The following ACAP2 variants were observed in gnomAD, a reference collection of about 807,000 sequenced individuals.
ACAP2 encodes arf-GAP with coiled-coil, ANK repeat and PH domain-containing protein 2.
Under a neutral mutation model 115.8 loss-of-function variants are expected in ACAP2, and 39 were observed. The ratio of observed to expected loss-of-function variants is 0.34; its 90% CI spans 0.26 to 0.44. The LOEUF (loss-of-function observed/expected upper bound fraction) is 0.44, where lower values mean the gene tolerates loss of function less well. Among genes scored for constraint, ACAP2 ranks in the 20% least tolerant of loss-of-function variants. The probability of loss-of-function intolerance (pLI) is 1.00; values close to 1 mark genes in which losing one functional copy is unlikely to be tolerated. For synonymous variants in ACAP2, 289 were observed against 315.8 expected (o/e 0.92, Z 0.90); for missense variants, 662 against 927.6 (o/e 0.71, Z 3.72).
intron 1 of ACAP2, chr3:195,419,523 T>C (rs945282082): frequency 1.3e-5 from 2 of 152,200 alleles, no homozygotes; most frequent in African/African-American, 4.8e-5. Flanking sequence ...TCAACTGAGA[T>C]CACTGACTAC....
chr3:195,382,879 G>GA (rs112190227), intron 2 of ACAP2, among the ~76,000 whole-genome samples: 1,969 of 136,924 alleles, frequency 0.014, 28 homozygotes, highest in African/African-American at 0.044. Flanking sequence ...ACTATGCATG[G>GA]AAAAAAAAAA....
chr3:195,352,720 A>AGAT (rs1731692840), intron 4 of ACAP2, among the ~76,000 whole-genome samples: 1 of 152,230 alleles, frequency 6.6e-6, no homozygotes, highest in South Asian at 2.1e-4. Flanking sequence ...AGTGTGGGCT[A>AGAT]GATGGAGTGA....
intron 1 of ACAP2, among the ~76,000 whole-genome samples, chr3:195,430,438 G>A (rs1452656872): frequency 1.3e-5 from 2 of 152,158 alleles, no homozygotes; most frequent in Non-Finnish European, 2.9e-5. Flanking sequence ...GGGAGGCCAG[G>A]AGCAGTGGCT....
At chr3:195,361,639 CAAACCT>C (rs755047589) in intron 4 of ACAP2, among the ~76,000 whole-genome samples, 117 of 151,808 alleles carry the variant, frequency 7.7e-4, no homozygotes, top group Admixed American at 3.0e-3. Context: ...AAAAGGAAAC[CAAACCT>C]AAACCTAAAG....
At chr3:195,340,763 G>A (rs1369579340) in intron 6 of ACAP2, among the ~76,000 whole-genome samples, 4 of 152,178 alleles carry the variant, frequency 2.6e-5, no homozygotes, top group Admixed American at 2.0e-4. Context: ...GTTAGGCAGG[G>A]TGAGTACCCT....
intron 3 of ACAP2, 99 bp downstream of exon 3, chr3:195,381,804 G>A: frequency 7.3e-7 from 1 of 1,361,154 alleles, no homozygotes; most frequent in Non-Finnish European, 1.0e-6. Context: ...CTAATTTTAA[G>A]TATCACCATA....
At chr3:195,410,514 A>T (rs1713166724) in intron 1 of ACAP2, among the ~76,000 whole-genome samples, 1 of 152,198 alleles carries the variant, frequency 6.6e-6, no homozygotes, top group Non-Finnish European at 1.5e-5. Flanking sequence ...CTGGTAAGGG[A>T]TTAATATCCA....
At chr3:195,361,435 CAA>C (rs577868054) in intron 4 of ACAP2, among the ~76,000 whole-genome samples, 3 of 91,764 alleles carry the variant, frequency 3.3e-5, no homozygotes, top group Admixed American at 1.1e-4. Context: ...GACTCTGTCT[CAA>C]AAAAAAAAAG....
chr3:195,427,340 C>T (rs1246854104), intron 1 of ACAP2, among the ~76,000 whole-genome samples: 1 of 151,904 alleles, frequency 6.6e-6, no homozygotes, highest in Non-Finnish European at 1.5e-5. Flanking sequence ...CATTTTGTGT[C>T]GTTTTAGGCC....
chr3:195,294,533 G>A (rs1035888588), intron 18 of ACAP2, among the ~76,000 whole-genome samples, 186 bp downstream of exon 18: 3 of 142,196 alleles, frequency 2.1e-5, no homozygotes, highest in South Asian at 4.4e-4. Context: ...AGCCAAGATC[G>A]TACCGCTGCA....
At chr3:195,413,609 G>C (rs1285971354) in intron 1 of ACAP2, among the ~76,000 whole-genome samples, 1 of 152,060 alleles carries the variant, frequency 6.6e-6, no homozygotes. Flanking sequence ...AATTAGGCGG[G>C]TGTGGTGGTG....
At chr3:195,424,142 C>T (rs934881094) in intron 1 of ACAP2, among the ~76,000 whole-genome samples, 2 of 150,868 alleles carry the variant, frequency 1.3e-5, no homozygotes, top group South Asian at 2.1e-4. Context: ...TAGTTGTGTT[C>T]TCTGTCCCCT....
At position 195,278,710 on chromosome 3, in the gene ACAP2, A is replaced by G. The variant is rs1196601487; in HGVS notation, c.*618T>C. On this transcript the variant is annotated 3_prime_UTR_variant, in exon 23 of 23. Transcript: ENST00000326793. Reference sequence around the variant, plus strand: ...ACCTGTACAGCCATTATACATACATACATTAAAGTACTGGACAATAACCTG... The same window carrying G: ...ACCTGTACAGCCATTATACATACATGCATTAAAGTACTGGACAATAACCTG... 2 of 152,176 alleles carry G rather than the reference A, an allele frequency of 1.3e-5. No homozygotes were observed. Among genetic ancestry groups the G allele is most frequent in the African/African-American group, 4.8e-5 (2 of 41,430 alleles). 9.4% of individuals were successfully genotyped at this position (152,176 alleles called of 1,614,324 possible). A position where few individuals can be genotyped will look rare whatever the true frequency, so the allele number is the denominator to read the frequency against.
intron 4 of ACAP2, among the ~76,000 whole-genome samples, chr3:195,371,896 T>C (rs1733174527): frequency 6.6e-6 from 1 of 152,120 alleles, no homozygotes; most frequent in African/African-American, 2.4e-5. Context: ...TGGCCCCAAG[T>C]GATTCACCTG....
intron 1 of ACAP2, among the ~76,000 whole-genome samples, chr3:195,414,749 G>C (rs1577443966): frequency 6.6e-6 from 1 of 152,204 alleles, no homozygotes; most frequent in East Asian, 1.9e-4. Context: ...TGAATTCATG[G>C]ATTAGAGATG....
At chr3:195,407,786 G>A (rs570242313) in intron 1 of ACAP2, among the ~76,000 whole-genome samples, 1 of 152,214 alleles carries the variant, frequency 6.6e-6, no homozygotes, top group South Asian at 2.1e-4. Context: ...CAAAACCAAA[G>A]CTAGCAGGTG....
At chr3:195,382,095 G>GT in intron 2 of ACAP2, 73 bp from the exon 3 acceptor site, 1 of 1,424,850 alleles carries the variant, frequency 7.0e-7, no homozygotes, top group Non-Finnish European at 9.6e-7. Flanking sequence ...AGTGTTGGCA[G>GT]TAACTATATG....
At chr3:195,397,811 TAAAG>T (rs898116268) in intron 1 of ACAP2, among the ~76,000 whole-genome samples, 7 of 152,180 alleles carry the variant, frequency 4.6e-5, no homozygotes, top group Non-Finnish European at 8.8e-5. Flanking sequence ...TACATAGTGT[TAAAG>T]AAAATGCACA....
At chr3:195,285,938 T>G in intron 21 of ACAP2, 81 bp from the exon 22 acceptor site, 1 of 986,458 alleles carries the variant, frequency 1.0e-6, no homozygotes, top group Non-Finnish European at 1.5e-6. Context: ...AGGTAATACA[T>G]GTACTAATGT....
Sources: allele counts gnomAD v4.1 joint callset (sites outside exome capture counted in the v4.1 genomes callset), GRCh38; gene constraint gnomAD v4.1.1; transcripts MANE v1.5; gene names NCBI Gene and HGNC (gene_info 2026-07-23, HGNC 2026-07-21).